ATP8B4: variants seen among roughly 807,000 people sequenced by gnomAD.
ATP8B4 encodes the protein probable phospholipid-transporting ATPase IM.
A neutral mutation model predicts 145.6 loss-of-function variants in ATP8B4; 133 were observed. The ratio of observed to expected loss-of-function variants is 0.91; its 90% confidence interval spans 0.79 to 1.05. The LOEUF is 1.05. Among genes scored for constraint, ATP8B4 ranks in the 50% least tolerant of loss-of-function variants. The pLI is 0.00. For missense variants in ATP8B4, 1,458 were observed against 1,425.2 expected (o/e 1.02, Z -0.37); for synonymous variants, 507 against 492.9 (o/e 1.03, Z -0.38).
intron 1 of ATP8B4, among the ~76,000 whole-genome samples, chr15:50,139,028 G>A (rs2044170818): frequency 6.6e-6 from 1 of 152,158 alleles, no homozygotes; most frequent in South Asian, 2.1e-4. Flanking sequence ...AGACAGTGTG[G>A]CGATTCCTGA....
In ATP8B4 at chr15:49,898,223, T is replaced by C. The variant is rs1044624139; in HGVS notation, c.2318A>G (p.Asn773Ser). ...CATGCAAGCAAGTTCTAGGAGATCA[T>C]TCTTGACATCACTTTCTAGGGCATG... The part of the protein sequence containing the change: ...LAHALESDVK[N>S]DLLELACMCK... Residue 773 changes from asparagine (N) to serine (S), a missense_variant, in exon 22 of 28, where the codon AAT becomes AGT. Transcript: ENST00000284509. 7 of 1,613,594 alleles carry C rather than the reference T, an allele frequency of 4.3e-6. No individual in the cohort carries two copies. Among genetic ancestry groups the C allele is most frequent in the Non-Finnish European group, 5.1e-6 (6 of 1,179,768 alleles).
At chr15:49,964,910 TCC>T (rs2044390049) in intron 13 of ATP8B4, among the ~76,000 whole-genome samples, 1 of 152,104 alleles carries the variant, frequency 6.6e-6, no homozygotes, top group Admixed American at 6.6e-5. Context: ...ATCCAAAAGG[TCC>T]CCAAAACTCA....
At position 49,980,468 on chromosome 15, in the gene ATP8B4, A is replaced by T. The variant is rs569760169; in HGVS notation, c.838-655T>A. On this transcript the variant is annotated intron_variant, in intron 11 of 27. Transcript: ENST00000284509. ...CACAAAGACTAGATAGTATATCAAT[A>T]GTATGAGGTAGCACAGGATTAACTG... is the stretch of plus-strand genomic sequence containing the variant. Among the ~76,000 whole-genome samples the T allele has an allele frequency of 3.3e-5, 5 of 152,310 alleles. No individual in the cohort carries two copies. In the East Asian group the frequency reaches 9.6e-4, roughly 29 times the overall value.
intron 1 of ATP8B4, among the ~76,000 whole-genome samples, chr15:50,128,181 G>A (rs966977711): frequency 9.2e-5 from 14 of 152,348 alleles, no homozygotes; most frequent in African/African-American, 2.9e-4. Context: ...AGAGACCAGC[G>A]AAAGAAGGGG....
intron 20 of ATP8B4, among the ~76,000 whole-genome samples, chr15:49,905,450 G>A (rs1033225557): frequency 1.1e-4 from 16 of 151,784 alleles, no homozygotes; most frequent in African/African-American, 3.4e-4. Flanking sequence ...GAGATTAGGA[G>A]TATAGAGAAC....
rs2031318168 is a variant in ATP8B4 at position 49,859,926 on chromosome 15, G to C, written c.*268C>G. On this transcript the variant is annotated 3_prime_UTR_variant, in exon 28 of 28. Transcript: ENST00000284509. ...TAAAGTTCAGGTCAATTGGTATCTAGGTTGATTTAAAAAAAAAAAAAATCT... is the reference window on the plus strand; with the variant it reads ...TAAAGTTCAGGTCAATTGGTATCTACGTTGATTTAAAAAAAAAAAAAATCT... 2.5e-6 allele frequency: 1 copy of C among 407,518 alleles called. No individual in the cohort carries two copies. The highest frequency in any genetic ancestry group is 4.3e-6 in the Non-Finnish European group (1 of 233,584). 25.2% of individuals were successfully genotyped at this position (407,518 alleles called of 1,614,324 possible).
At chr15:49,870,423 T>C (rs1014661952) in intron 25 of ATP8B4, among the ~76,000 whole-genome samples, 10 of 152,208 alleles carry the variant, frequency 6.6e-5, no homozygotes, top group African/African-American at 2.4e-4. Flanking sequence ...CTTTGAAATG[T>C]TTAAAAGAGC....
chr15:49,866,045 G>A (rs2032732711), intron 26 of ATP8B4, among the ~76,000 whole-genome samples: 1 of 152,164 alleles, frequency 6.6e-6, no homozygotes, highest in East Asian at 1.9e-4. Context: ...CATTTGACAG[G>A]TCTTCAGGTA....
intron 1 of ATP8B4, among the ~76,000 whole-genome samples, chr15:50,166,346 C>G (rs1284408687): frequency 6.6e-6 from 1 of 152,166 alleles, no homozygotes; most frequent in Admixed American, 6.5e-5. Context: ...AAGATATAAT[C>G]TTGCCACACA....
At chr15:50,134,520 A>G (rs2153679216) in intron 1 of ATP8B4, among the ~76,000 whole-genome samples, 1 of 152,334 alleles carries the variant, frequency 6.6e-6, no homozygotes, top group East Asian at 1.9e-4. Context: ...AAAACAGAGT[A>G]TCTGCAAAGA....
At chr15:49,893,517 G>A (rs2037054024) in intron 23 of ATP8B4, among the ~76,000 whole-genome samples, 1 of 152,194 alleles carries the variant, frequency 6.6e-6, no homozygotes, top group South Asian at 2.1e-4. Flanking sequence ...GATGGATCTT[G>A]AGGACACTAT....
chr15:49,874,909 A>C (rs16963008), intron 25 of ATP8B4, among the ~76,000 whole-genome samples: 31,519 of 152,110 alleles, frequency 0.21, 3,338 homozygotes, highest in East Asian at 0.37. Context: ...GCTTCTAAAC[A>C]TAAAGTTAAT....
At chr15:49,953,116 C>T (rs1035634955) in intron 14 of ATP8B4, among the ~76,000 whole-genome samples, 1 of 152,060 alleles carries the variant, frequency 6.6e-6, no homozygotes. Context: ...TCGAGGGGCA[C>T]CAACCTGATG....
At chr15:50,171,298 T>C (rs1394982340) in intron 1 of ATP8B4, among the ~76,000 whole-genome samples, 1 of 152,200 alleles carries the variant, frequency 6.6e-6, no homozygotes, top group Non-Finnish European at 1.5e-5. Flanking sequence ...ATAGACCATG[T>C]GATATGCCAT....
At chr15:49,905,065 T>C (rs961805649) in intron 20 of ATP8B4, among the ~76,000 whole-genome samples, 8 of 152,332 alleles carry the variant, frequency 5.3e-5, no homozygotes, top group East Asian at 1.9e-4. Flanking sequence ...TGAGAAACCA[T>C]AGCAGGGTTT....
intron 13 of ATP8B4, among the ~76,000 whole-genome samples, chr15:49,970,282 C>A (rs1258173846): frequency 1.3e-5 from 2 of 152,118 alleles, no homozygotes; most frequent in African/African-American, 4.8e-5. Context: ...GGCAATCAGG[C>A]AAGAGAACGA....
chr15:50,001,678 G>A (rs2047905132), intron 8 of ATP8B4, among the ~76,000 whole-genome samples: 2 of 152,144 alleles, frequency 1.3e-5, no homozygotes, highest in Non-Finnish European at 2.9e-5. Flanking sequence ...CTGCTATATG[G>A]TCTATAACTA....
chr15:50,141,778 T>C (rs72737020), intron 1 of ATP8B4, among the ~76,000 whole-genome samples: 13,997 of 148,070 alleles, frequency 0.095, 819 homozygotes, highest in Middle Eastern at 0.17. Context: ...GTTAAAATTT[T>C]TTAAAAGTGA....
At chr15:50,076,446 T>A (rs928577844) in intron 2 of ATP8B4, among the ~76,000 whole-genome samples, 1 of 150,536 alleles carries the variant, frequency 6.6e-6, no homozygotes, top group East Asian at 1.9e-4. Flanking sequence ...GAGCCAAGAT[T>A]ACACCACTGC....
Sources: allele counts gnomAD v4.1 joint callset (sites outside exome capture counted in the v4.1 genomes callset), GRCh38; gene constraint gnomAD v4.1.1; transcripts MANE v1.5; gene names NCBI Gene and HGNC (gene_info 2026-07-23, HGNC 2026-07-21).